The following BCAS2 variants were observed in gnomAD, a reference collection of about 807,000 sequenced individuals.
The protein encoded by BCAS2 is pre-mRNA-splicing factor SPF27.
Under a neutral mutation model 35.3 loss-of-function variants are expected in BCAS2, and 34 were observed. The ratio of observed to expected loss-of-function variants is 0.96; its 90% CI spans 0.73 to 1.28. BCAS2 has a LOEUF of 1.28. BCAS2 is among the 50% of genes most tolerant of loss of function. BCAS2 has a pLI of 0.00. For missense variants in BCAS2, 221 were observed against 268.1 expected (o/e 0.82, Z 1.23); for synonymous variants, 75 against 91.6 (o/e 0.82, Z 1.03).
At chr1:114,578,236 A>C (rs1654815152) in intron 2 of BCAS2, among the ~76,000 whole-genome samples, 1 of 152,066 alleles carries the variant, frequency 6.6e-6, no homozygotes, top group Non-Finnish European at 1.5e-5. Flanking sequence ...AAAAAACAAA[A>C]AATTTCGTAT....
Position 114,576,222 on chromosome 1 carries a change from CCTCT to C in BCAS2, c.257+462_257+465del, listed in dbSNP as rs71580638. Among the ~76,000 whole-genome samples, 18 of 135,052 alleles carry C rather than the reference CCTCT, an allele frequency of 1.3e-4. No homozygotes were observed. In the South Asian group the frequency reaches 1.5e-3, roughly 11 times the overall value. The allele number at this position is 135,052 out of a possible 152,430, so 88.6% of individuals were successfully genotyped here. A position where few individuals can be genotyped will look rare whatever the true frequency, so the allele number is the denominator to read the frequency against. On this transcript the variant is annotated intron_variant, in intron 3 of 6. Transcript: ENST00000369541. ...CTACCCAGTCAGTCCTTCAACACTG[CCTCT>C]CTCTCTCTCTCTCTCTCTCTCTATA...
At chr1:114,574,064 G>A (rs1380879127) in intron 4 of BCAS2, among the ~76,000 whole-genome samples, 4 of 152,260 alleles carry the variant, frequency 2.6e-5, no homozygotes, top group African/African-American at 9.6e-5. Context: ...ATCTAACCAC[G>A]GAATTTTGCA....
At chr1:114,580,634 G>A (rs1336482577) in intron 2 of BCAS2, among the ~76,000 whole-genome samples, 1 of 151,830 alleles carries the variant, frequency 6.6e-6, no homozygotes, top group Non-Finnish European at 1.5e-5. Context: ...TTTTGGAGAG[G>A]ATGTTTGTCT....
intron 4 of BCAS2, 95 bp from the exon 5 acceptor site, chr1:114,570,845 T>G: frequency 1.2e-6 from 1 of 839,380 alleles, no homozygotes; most frequent in Non-Finnish European, 1.9e-6. Flanking sequence ...ATCATATTTA[T>G]GGAGCTCTGT....
chr1:114,579,077 A>G (rs946843341), intron 2 of BCAS2, among the ~76,000 whole-genome samples: 1 of 152,158 alleles, frequency 6.6e-6, no homozygotes, highest in African/African-American at 2.4e-5. Flanking sequence ...GGAGTTCGAG[A>G]CCAGCCTGGC....
At chr1:114,570,804 A>G in intron 4 of BCAS2, 54 bp from the exon 5 acceptor site, 1 of 1,292,456 alleles carries the variant, frequency 7.7e-7, no homozygotes, top group African/African-American at 1.5e-5. Flanking sequence ...TACCAATTAA[A>G]AGTGAACTTT....
At position 114,581,324 on chromosome 1, in the gene BCAS2, G is replaced by GTCAGGTAGC. The variant is rs1557933551; in HGVS notation, c.152_160dup (p.Ser51_Leu53dup). Reference sequence around the variant, plus strand: ...TTCAAAGGCAGAATAATCCGGGGCTGTCAGGTAGCTCAGGTAGTTCTTAGT... The same window carrying GTCAGGTAGC: ...TTCAAAGGCAGAATAATCCGGGGCTGTCAGGTAGCTCAGGTAGCTCAGGTAGTTCTTAGT... On this transcript the variant is annotated inframe_insertion, in exon 2 of 7. Transcript: ENST00000369541. 1 of 1,614,210 alleles carries GTCAGGTAGC rather than the reference G, an allele frequency of 6.2e-7. No homozygotes were observed. Among genetic ancestry groups the GTCAGGTAGC allele is most frequent in the Non-Finnish European group, 8.5e-7 (1 of 1,180,022 alleles).
intron 4 of BCAS2, among the ~76,000 whole-genome samples, chr1:114,575,036 CTTT>C (rs546575497): frequency 1.4e-5 from 2 of 140,254 alleles, no homozygotes; most frequent in African/African-American, 2.6e-5. Flanking sequence ...GCCGGCTAAT[CTTT>C]TTTTTTTTTT....
intron 2 of BCAS2, 82 bp from the exon 3 acceptor site, chr1:114,576,840 T>C: frequency 1.0e-6 from 1 of 988,956 alleles, no homozygotes; most frequent in Non-Finnish European, 1.5e-6. Flanking sequence ...AGATTTAAGC[T>C]ACACTACCCA....
At chr1:114,572,028 A>G (rs914983824) in intron 4 of BCAS2, among the ~76,000 whole-genome samples, 2 of 152,244 alleles carry the variant, frequency 1.3e-5, no homozygotes, top group Non-Finnish European at 2.9e-5. Flanking sequence ...TTATTAAGAT[A>G]TAATTCCACA....
At chr1:114,574,275 T>C (rs1470054503) in intron 4 of BCAS2, among the ~76,000 whole-genome samples, 1 of 152,236 alleles carries the variant, frequency 6.6e-6, no homozygotes, top group Non-Finnish European at 1.5e-5. Context: ...CAGCTGAGCA[T>C]GCACATTTTC....
intron 4 of BCAS2, among the ~76,000 whole-genome samples, chr1:114,575,280 C>T (rs1321201610): frequency 6.7e-6 from 1 of 150,218 alleles, no homozygotes; most frequent in African/African-American, 2.5e-5. Context: ...CTCTGCCTCC[C>T]AGGCTGAAGC....
At chr1:114,571,134 C>T (rs937699159) in intron 4 of BCAS2, among the ~76,000 whole-genome samples, 4 of 152,030 alleles carry the variant, frequency 2.6e-5, no homozygotes, top group African/African-American at 9.7e-5. Flanking sequence ...CAGCTCACTG[C>T]AGCCTCTGCT....
At chr1:114,577,472 T>C (rs1654795966) in intron 2 of BCAS2, among the ~76,000 whole-genome samples, 1 of 152,134 alleles carries the variant, frequency 6.6e-6, no homozygotes, top group African/African-American at 2.4e-5. Flanking sequence ...GTTCAAGCGA[T>C]TCTCTTGCCT....
At position 114,568,243 on chromosome 1, in the gene BCAS2, C is replaced by A; in HGVS notation, c.565G>T (p.Val189Phe). 1 of 1,612,504 alleles carries A rather than the reference C, an allele frequency of 6.2e-7. No individual in the cohort carries two copies. Among genetic ancestry groups the A allele is most frequent in the Non-Finnish European group, 8.5e-7 (1 of 1,179,282 alleles). ...REMESNWVSL[V>F]SKNYEIERTI... ...CGTTCAATCTCATAATTCTTACTGA[C>A]CAGGGATACCCAACTAGAATGGGGG... Residue 189 changes from valine (V) to phenylalanine (F), a missense_variant, in exon 7 of 7, where the codon GTC becomes TTC. By Grantham distance (50) the Val-to-Phe change is conservative (BLOSUM62 -1). Coordinates refer to ENST00000369541, the MANE Select transcript of BCAS2 (RefSeq NM_005872.3).
Position 114,581,206 on chromosome 1 carries a change from C to G in BCAS2, c.186+93G>C, listed in dbSNP as rs908090081. 37 of 1,268,222 alleles carry G rather than the reference C, an allele frequency of 2.9e-5. No homozygotes were observed. The African/African-American group carries it at 4.3e-4, about 15-fold the overall frequency. The allele number at this position is 1,268,222 out of a possible 1,614,324, so 78.6% of individuals were successfully genotyped here. ...ATACAGTAGGTAAGTAGTAGCTATG[C>G]AGGCAATGGTTAAAACTGGAATTTA... On this transcript the variant is annotated intron_variant, in intron 2 of 6. Coordinates refer to ENST00000369541, the MANE Select transcript of BCAS2 (RefSeq NM_005872.3).
intron 2 of BCAS2, among the ~76,000 whole-genome samples, chr1:114,579,242 C>G (rs558727301): frequency 1.3e-5 from 2 of 152,186 alleles, no homozygotes; most frequent in African/African-American, 4.8e-5. Flanking sequence ...TGCACTCCAG[C>G]CTGGGCACCA....
intron 4 of BCAS2, among the ~76,000 whole-genome samples, chr1:114,575,363 ATTTT>A (rs34989850): frequency 7.5e-6 from 1 of 133,736 alleles, no homozygotes. Context: ...AATTTTTTGT[ATTTT>A]TTTTTTTTGT....
Position 114,581,279 on chromosome 1 carries a change from T to G in BCAS2, c.186+20A>C, listed in dbSNP as rs750979693. The G allele has an allele frequency of 9.9e-6, 16 of 1,612,412 alleles. No individual in the cohort carries two copies. Among genetic ancestry groups the G allele is most frequent in the East Asian group, 4.5e-5 (2 of 44,872 alleles). On this transcript the variant is annotated intron_variant, in intron 2 of 6. Coordinates refer to ENST00000369541, the MANE Select transcript of BCAS2 (RefSeq NM_005872.3). ...GTTCACAGGAATTCTCGTTCACACC[T>G]AGGCTCAAGACATACTTACTTCAAA...
Sources: allele counts gnomAD v4.1 joint callset (sites outside exome capture counted in the v4.1 genomes callset), GRCh38; gene constraint gnomAD v4.1.1; transcripts MANE v1.5; gene names NCBI Gene and HGNC (gene_info 2026-07-23, HGNC 2026-07-21).